PLCE1: variants seen among roughly 807,000 people sequenced by gnomAD.
PLCE1 encodes 1-phosphatidylinositol 4,5-bisphosphate phosphodiesterase epsilon-1.
In PLCE1, 119 loss-of-function variants were observed where a neutral mutation model predicts 242.8. That is an observed-to-expected ratio of 0.49 (90% CI 0.42 to 0.57). PLCE1 has a LOEUF of 0.57. Among genes scored for constraint, PLCE1 ranks in the 20% least tolerant of loss-of-function variants. PLCE1 has a pLI of 0.00. For missense variants in PLCE1, 2,441 were observed against 2,788.8 expected (o/e 0.88, Z 2.81); for synonymous variants, 945 against 1,017.4 (o/e 0.93, Z 1.35).
At chr10:94,108,698 T>C (rs1177747738) in intron 2 of PLCE1, 1 of 152,176 alleles carries the variant, frequency 6.6e-6, no homozygotes, top group Non-Finnish European at 1.5e-5. Context: ...TGGAAGAGAC[T>C]TGGGCTTCTG....
chr10:94,181,259 C>T (rs1003529344), intron 4 of PLCE1, among the ~76,000 whole-genome samples: 9 of 152,048 alleles, frequency 5.9e-5, no homozygotes, highest in Non-Finnish European at 1.2e-4. Context: ...CAAGGTGGGG[C>T]CCAGGCATTT....
At chr10:94,084,505 T>G (rs1028075157) in intron 2 of PLCE1, among the ~76,000 whole-genome samples, 1 of 152,184 alleles carries the variant, frequency 6.6e-6, no homozygotes, top group East Asian at 1.9e-4. Flanking sequence ...GCCCTTCCTG[T>G]GCCGACATTC....
intron 13 of PLCE1, among the ~76,000 whole-genome samples, chr10:94,261,321 C>T (rs1368046792): frequency 2.0e-5 from 3 of 152,176 alleles, no homozygotes; most frequent in Admixed American, 6.5e-5. Context: ...TGGCTTTTTG[C>T]AGCTTGGTAG....
intron 4 of PLCE1, among the ~76,000 whole-genome samples, chr10:94,214,760 C>G (rs1034217987): frequency 1.3e-5 from 2 of 152,154 alleles, no homozygotes; most frequent in African/African-American, 4.8e-5. Flanking sequence ...TGCGGGCTTA[C>G]TTTTGCTTAC....
intron 2 of PLCE1, among the ~76,000 whole-genome samples, chr10:94,070,610 A>C (rs1197819863): frequency 1.3e-5 from 2 of 152,160 alleles, no homozygotes; most frequent in African/African-American, 2.4e-5. Context: ...AATTGCCTTC[A>C]AGGCATTTTC....
intron 16 of PLCE1, among the ~76,000 whole-genome samples, chr10:94,268,208 G>C (rs2051584514): frequency 6.6e-6 from 1 of 152,332 alleles, no homozygotes; most frequent in Admixed American, 6.5e-5. Flanking sequence ...TTCTTTGGTA[G>C]TGTTTTCTGG....
chr10:94,309,992 C>A (rs1303381255), intron 27 of PLCE1, among the ~76,000 whole-genome samples: 4 of 152,184 alleles, frequency 2.6e-5, no homozygotes, highest in Non-Finnish European at 5.9e-5. Context: ...CACCACTGCA[C>A]TCCAGCATGG....
chr10:94,315,267 T>C (rs1048095515), intron 28 of PLCE1: 6 of 373,142 alleles, frequency 1.6e-5, no homozygotes, highest in Non-Finnish European at 2.6e-5. Context: ...ACATTCTGCT[T>C]TTCCTCCTGG....
chr10:94,189,582 G>C (rs1314733446), intron 4 of PLCE1, among the ~76,000 whole-genome samples: 4 of 152,112 alleles, frequency 2.6e-5, no homozygotes, highest in Admixed American at 2.0e-4. Flanking sequence ...TGAAGACCTG[G>C]GTGCAGGAAG....
At chr10:94,040,667 A>C (rs553988311) in intron 2 of PLCE1, among the ~76,000 whole-genome samples, 3 of 152,300 alleles carry the variant, frequency 2.0e-5, no homozygotes, top group African/African-American at 7.2e-5. Flanking sequence ...GTCCCACTCT[A>C]GTCCTAGCCT....
Position 94,331,962 on chromosome 10 carries a change from C to T in PLCE1, c.*4019C>T, listed in dbSNP as rs2054163573. On this transcript the variant is annotated 3_prime_UTR_variant, in exon 33 of 33. Transcript: ENST00000371380. ...TCTCGACTCACCACAACCTCCACCT[C>T]CCAGGTTCAAGTGATTCTCCTGCCT... 1 of 151,900 alleles carries T rather than the reference C, an allele frequency of 6.6e-6. No homozygotes were observed. The highest frequency in any genetic ancestry group is 1.5e-5 in the Non-Finnish European group (1 of 68,138). 9.4% of individuals were successfully genotyped at this position (151,900 alleles called of 1,614,324 possible).
At chr10:94,094,970 T>C (rs2045248575) in intron 2 of PLCE1, among the ~76,000 whole-genome samples, 1 of 152,254 alleles carries the variant, frequency 6.6e-6, no homozygotes, top group African/African-American at 2.4e-5. Context: ...TAAAAACTTA[T>C]TAGCAAAAAA....
intron 23 of PLCE1, among the ~76,000 whole-genome samples, chr10:94,296,584 AAG>A (rs2052825990): frequency 6.6e-6 from 1 of 152,158 alleles, no homozygotes; most frequent in African/African-American, 2.4e-5. Flanking sequence ...CATAAAACAG[AAG>A]AGAGTTCAGG....
chr10:94,265,223 G>A (rs1357834993), intron 14 of PLCE1, among the ~76,000 whole-genome samples: 2 of 152,198 alleles, frequency 1.3e-5, no homozygotes, highest in Non-Finnish European at 2.9e-5. Flanking sequence ...TGCTAAAATT[G>A]TGAGATTACT....
At chr10:94,127,220 A>G (rs2135848722) in intron 2 of PLCE1, among the ~76,000 whole-genome samples, 1 of 152,336 alleles carries the variant, frequency 6.6e-6, no homozygotes, top group South Asian at 2.1e-4. Context: ...TTTCACAACA[A>G]TCATTTATTT....
At chr10:94,136,931 G>T (rs548839338) in intron 3 of PLCE1, among the ~76,000 whole-genome samples, 20 of 152,176 alleles carry the variant, frequency 1.3e-4, no homozygotes, top group Non-Finnish European at 4.4e-5. Flanking sequence ...GGTGGCTCAC[G>T]CCTGTAATCC....
chr10:94,225,374 G>C (rs562605041), intron 4 of PLCE1: 1 of 152,314 alleles, frequency 6.6e-6, no homozygotes, highest in East Asian at 1.9e-4. Flanking sequence ...AGCCAAGTCT[G>C]AAAAAACTCA....
At chr10:94,137,859 TG>T in intron 3 of PLCE1, 1 of 265,226 alleles carries the variant, frequency 3.8e-6, no homozygotes, top group Non-Finnish European at 7.7e-6. Flanking sequence ...CATAATTTGC[TG>T]CTCAACTACA....
intron 3 of PLCE1, among the ~76,000 whole-genome samples, chr10:94,135,263 TA>T (rs1286092985): frequency 6.6e-6 from 1 of 152,118 alleles, no homozygotes; most frequent in Non-Finnish European, 1.5e-5. Context: ...TTTGTCAACT[TA>T]AAAAAATTAA....
Sources: gnomAD v4.1 joint callset for allele counts (sites outside exome capture counted in the v4.1 genomes callset) on GRCh38, gnomAD v4.1.1 for gene constraint, MANE v1.5 for transcripts, NCBI Gene and HGNC (gene_info 2026-07-23, HGNC 2026-07-21) for gene names.